Variants in CCNY observed in about 807,000 individuals in gnomAD.
CCNY encodes cyclin-Y.
In CCNY, 19 loss-of-function variants were observed where a neutral mutation model predicts 42.8. The observed-to-expected ratio is 0.44, with a 90% confidence interval of 0.31 to 0.65. The LOEUF (loss-of-function observed/expected upper bound fraction) is 0.65, where lower values mean the gene tolerates loss of function less well. CCNY is among the 30% of genes least tolerant of loss of function. CCNY has a pLI of 0.07. For missense variants in CCNY, 370 were observed against 437.3 expected (o/e 0.85, Z 1.37); for synonymous variants, 165 against 162.7 (o/e 1.01, Z -0.11).
At position 35,410,308 on chromosome 10, in the gene CCNY, G is replaced by T. The variant is rs147499807; in HGVS notation, c.155-73096G>T. Among the ~76,000 whole-genome samples the T allele has an allele frequency of 4.9e-3, 749 of 152,034 alleles. 2 individuals are homozygous for T. Among genetic ancestry groups the T allele is most frequent in the Non-Finnish European group, 8.9e-3 (604 of 67,974 alleles). ...AAGAGGATATCAACTGAACAATTTG[G>T]TTTTCTCCAACTTTCTTCCCAGCAC... On this transcript the variant is annotated intron_variant, in intron 1 of 9. Coordinates refer to ENST00000374704, the MANE Select transcript of CCNY (RefSeq NM_145012.6).
At chr10:35,438,484 T>G (rs1178587592) in intron 1 of CCNY, among the ~76,000 whole-genome samples, 1 of 152,150 alleles carries the variant, frequency 6.6e-6, no homozygotes, top group Non-Finnish European at 1.5e-5. Context: ...TTATATAATA[T>G]TCTGTTGTAT....
chr10:35,323,013 A>G (rs1835838268), intron 3 of CCNY, among the ~76,000 whole-genome samples: 1 of 151,896 alleles, frequency 6.6e-6, no homozygotes, highest in African/African-American at 2.4e-5. Context: ...TCTCACCTCC[A>G]CCTCCCAGGT....
chr10:35,472,196 C>T (rs1046248688), intron 1 of CCNY, among the ~76,000 whole-genome samples: 3 of 152,122 alleles, frequency 2.0e-5, no homozygotes, highest in South Asian at 2.1e-4. Flanking sequence ...TAGCAGTTCT[C>T]GAAGCTAGGT....
chr10:35,269,827 A>C (rs1474191964), intron 3 of CCNY, among the ~76,000 whole-genome samples: 7 of 150,292 alleles, frequency 4.7e-5, no homozygotes, highest in Non-Finnish European at 1.0e-4. Flanking sequence ...ATGGGGTTTT[A>C]CCATGTTGGC....
intron 1 of CCNY, among the ~76,000 whole-genome samples, chr10:35,341,447 A>G (rs754470945): frequency 3.9e-5 from 6 of 152,216 alleles, no homozygotes; most frequent in Admixed American, 3.9e-4. Flanking sequence ...ACTTTATGAT[A>G]TACTATATAA....
chr10:35,526,669 GTTT>G (rs34425324), intron 5 of CCNY, among the ~76,000 whole-genome samples: 5 of 142,648 alleles, frequency 3.5e-5, no homozygotes, highest in Admixed American at 7.0e-5. Context: ...TCCTTTCCAA[GTTT>G]TTTTTTTTTT....
At chr10:35,517,449 A>G (rs1840453142) in intron 4 of CCNY, among the ~76,000 whole-genome samples, 1 of 152,206 alleles carries the variant, frequency 6.6e-6, no homozygotes. Flanking sequence ...TTCACAATAC[A>G]TGTCAGCATA....
chr10:35,533,251 A>G (rs1183954711), intron 7 of CCNY, among the ~76,000 whole-genome samples: 1 of 152,152 alleles, frequency 6.6e-6, no homozygotes, highest in Admixed American at 6.5e-5. Flanking sequence ...GTTCATCTGT[A>G]GAAAAATCAG....
chr10:35,337,174 C>G lies in CCNY; in HGVS notation c.121C>G (p.Leu41Val). 1 of 1,572,234 alleles carries G rather than the reference C, an allele frequency of 6.4e-7. No homozygotes were observed. Reference protein sequence around the residue: ...DLSREDTGCNLQHISDRENID... With the variant: ...DLSREDTGCNVQHISDRENID... Reference sequence around the variant, plus strand: ...GAGCCGCGAGGACACGGGCTGCAACCTGCAGCACATCAGCGACCGGGAGAA... The same window carrying G: ...GAGCCGCGAGGACACGGGCTGCAACGTGCAGCACATCAGCGACCGGGAGAA... The change falls in exon 1 of 10, where the codon CTG becomes GTG. Residue 41 changes from leucine to valine, a missense_variant. Coordinates refer to ENST00000374704, the MANE Select transcript of CCNY (RefSeq NM_145012.6).
chr10:35,539,475 C>T (rs1218464296), intron 7 of CCNY, among the ~76,000 whole-genome samples: 2 of 152,106 alleles, frequency 1.3e-5, no homozygotes, highest in Non-Finnish European at 2.9e-5. Flanking sequence ...GTATACAAAT[C>T]TGACACTTCT....
At chr10:35,283,640 T>A (rs1264909578) in intron 3 of CCNY, among the ~76,000 whole-genome samples, 1 of 152,186 alleles carries the variant, frequency 6.6e-6, no homozygotes, top group Non-Finnish European at 1.5e-5. Flanking sequence ...GCTGACCTTG[T>A]GATCCACCAG....
intron 5 of CCNY, 132 bp from the exon 6 acceptor site, chr10:35,529,841 G>A (rs1388474829): frequency 1.3e-6 from 1 of 794,108 alleles, no homozygotes; most frequent in Non-Finnish European, 2.0e-6. Context: ...CTGCACTCCA[G>A]CCTGGGCAAC....
chr10:35,518,582 T>A (rs558397935), intron 4 of CCNY, among the ~76,000 whole-genome samples: 1 of 117,078 alleles, frequency 8.5e-6, no homozygotes, highest in Non-Finnish European at 1.8e-5. Context: ...CTGGCTGAGG[T>A]ATGCTGTGAG....
At chr10:35,444,397 G>A (rs967592777) in intron 1 of CCNY, among the ~76,000 whole-genome samples, 13 of 152,144 alleles carry the variant, frequency 8.5e-5, no homozygotes, top group East Asian at 1.9e-4. Flanking sequence ...ATGGGTGTGC[G>A]CCATCACGCC....
chr10:35,555,094 A>G (rs1159373131), intron 8 of CCNY, among the ~76,000 whole-genome samples: 1 of 152,188 alleles, frequency 6.6e-6, no homozygotes, highest in Non-Finnish European at 1.5e-5. Flanking sequence ...TGTCAGTTGA[A>G]TCCTCTCAGC....
Position 35,313,974 on chromosome 10 carries a change from T to G in CCNY, c.-9+63348T>G, listed in dbSNP as rs900570725. On this transcript the variant is annotated intron_variant, in intron 3 of 11. Transcript: ENST00000374706. ...CTGGGAGATAAAGTGAGAGTTCATC[T>G]CGGAAAAAAAAAAAAAAAAAAAAAA... Among the ~76,000 whole-genome samples the G allele has an allele frequency of 1.6e-4, 18 of 109,292 alleles. 1 individual carries two copies. The highest frequency in any genetic ancestry group is 6.2e-4 in the African/African-American group (17 of 27,576). The allele number at this position is 109,292 out of a possible 152,430, so 71.7% of individuals were successfully genotyped here.
chr10:35,339,349 C>T (rs976831883), intron 1 of CCNY, among the ~76,000 whole-genome samples: 4 of 151,938 alleles, frequency 2.6e-5, no homozygotes, highest in South Asian at 4.2e-4. Flanking sequence ...TGTTACCTGC[C>T]GTTCAGGGAC....
At chr10:35,424,756 C>G (rs1173254069) in intron 1 of CCNY, among the ~76,000 whole-genome samples, 1 of 152,158 alleles carries the variant, frequency 6.6e-6, no homozygotes, top group Non-Finnish European at 1.5e-5. Flanking sequence ...CCCAAGTGTG[C>G]CTGGCCAGGC....
At chr10:35,411,491 G>T (rs1326622633) in intron 1 of CCNY, among the ~76,000 whole-genome samples, 1 of 141,374 alleles carries the variant, frequency 7.1e-6, no homozygotes, top group Non-Finnish European at 1.5e-5. Flanking sequence ...CTCCAGCCTG[G>T]GTGACAGAGC....
Sources: gnomAD v4.1 joint callset for allele counts (sites outside exome capture counted in the v4.1 genomes callset) on GRCh38, gnomAD v4.1.1 for gene constraint, MANE v1.5 for transcripts, NCBI Gene and HGNC (gene_info 2026-07-23, HGNC 2026-07-21) for gene names.